ABHD17C: variants seen among roughly 807,000 people sequenced by gnomAD.
The protein encoded by ABHD17C is abhydrolase domain containing 17C, depalmitoylase.
A neutral mutation model predicts 27.9 loss-of-function variants in ABHD17C; 11 were observed. The ratio of observed to expected loss-of-function variants is 0.39; its 90% CI spans 0.25 to 0.65. ABHD17C has a LOEUF of 0.65. ABHD17C is among the 30% of genes least tolerant of loss of function. The pLI, the probability that ABHD17C is intolerant of heterozygous loss-of-function variation, is 0.45. For missense variants in ABHD17C, 280 were observed against 470.2 expected, an observed-to-expected ratio of 0.60 and a Z score of 3.74; for synonymous variants, 233 against 209.1, an observed-to-expected ratio of 1.11 and a Z score of -0.98.
chr15:80,719,654 C>G (rs1183280443), intron 1 of ABHD17C, among the ~76,000 whole-genome samples: 1 of 152,224 alleles, frequency 6.6e-6, no homozygotes, highest in Admixed American at 6.5e-5. Context: ...CCAGCCCATT[C>G]AAAGATCATG....
At chr15:80,718,811 G>A (rs974679916) in intron 1 of ABHD17C, among the ~76,000 whole-genome samples, 6 of 152,190 alleles carry the variant, frequency 3.9e-5, no homozygotes, top group African/African-American at 1.4e-4. Flanking sequence ...TGCTACAGCT[G>A]AAGAGACACG....
At chr15:80,746,550 G>T (rs1291891630) in intron 1 of ABHD17C, among the ~76,000 whole-genome samples, 1 of 152,154 alleles carries the variant, frequency 6.6e-6, no homozygotes, top group African/African-American at 2.4e-5. Context: ...TCAAAGGTGG[G>T]CTTTGTAGAC....
intron 1 of ABHD17C, among the ~76,000 whole-genome samples, chr15:80,730,052 T>C (rs190151377): frequency 6.4e-4 from 97 of 151,714 alleles, no homozygotes; most frequent in African/African-American, 2.3e-3. Context: ...CCAGTTGCAG[T>C]GAGCTGAGAT....
chr15:80,733,344 A>G (rs918235868), intron 1 of ABHD17C, among the ~76,000 whole-genome samples: 4 of 152,108 alleles, frequency 2.6e-5, no homozygotes, highest in Admixed American at 1.3e-4. Context: ...ACTTGCTCTC[A>G]GCTTTGCTTT....
In ABHD17C at chr15:80,749,663, G is replaced by A; in HGVS notation, c.741G>A (p.Arg247=). 1.2e-6 allele frequency: 2 copies of A among 1,613,958 alleles called. No homozygotes were observed. The highest frequency in any genetic ancestry group is 1.7e-6 in the Non-Finnish European group (2 of 1,179,860). ...SGLRVAFPDT[R]KTYCFDAFPS... The stretch of plus-strand genomic sequence containing the variant: ...TGCGTGTGGCTTTTCCGGATACCAG[G>A]AAAACATACTGCTTTGATGCTTTCC... The change falls in exon 2 of 3, where the codon AGG becomes AGA. Residue 247 remains arginine, a synonymous_variant. Transcript: ENST00000258884.
chr15:80,738,252 G>GT (rs1234018166), intron 1 of ABHD17C, among the ~76,000 whole-genome samples: 5 of 152,272 alleles, frequency 3.3e-5, no homozygotes, highest in Non-Finnish European at 5.9e-5. Flanking sequence ...GTCAAGAACC[G>GT]TAACACCTGC....
chr15:80,703,215 T>C (rs1210821320), intron 1 of ABHD17C: 1 of 152,230 alleles, frequency 6.6e-6, no homozygotes, highest in African/African-American at 2.4e-5. Context: ...GACTCCCTCT[T>C]TGATAAAGAA....
intron 1 of ABHD17C, among the ~76,000 whole-genome samples, chr15:80,726,790 G>A (rs1304564597): frequency 6.6e-6 from 1 of 152,160 alleles, no homozygotes; most frequent in Non-Finnish European, 1.5e-5. Flanking sequence ...CTCCCAAAGT[G>A]CTGGGATTAC....
At chr15:80,749,737 G>A in intron 2 of ABHD17C, 45 bp downstream of exon 2, 1 of 1,566,960 alleles carries the variant, frequency 6.4e-7, no homozygotes, top group Non-Finnish European at 8.8e-7. Flanking sequence ...GCCAATGACT[G>A]TGTTTATATC....
intron 1 of ABHD17C, among the ~76,000 whole-genome samples, chr15:80,698,061 CTTTTTTT>C (rs34987348): frequency 1.0e-5 from 1 of 97,034 alleles, no homozygotes; most frequent in African/African-American, 3.9e-5. Context: ...TTTTATTTCA[CTTTTTTT>C]TTTTTTTTTT....
At chr15:80,748,040 C>G (rs915882918) in intron 1 of ABHD17C, among the ~76,000 whole-genome samples, 2 of 152,194 alleles carry the variant, frequency 1.3e-5, no homozygotes, top group Non-Finnish European at 2.9e-5. Context: ...TTGCACGTCT[C>G]CCATAGAAAG....
intron 1 of ABHD17C, among the ~76,000 whole-genome samples, chr15:80,697,789 C>T (rs1225567636): frequency 1.3e-5 from 2 of 152,062 alleles, no homozygotes; most frequent in Non-Finnish European, 2.9e-5. Context: ...TAATGTTATA[C>T]CAGAACTCAT....
intron 1 of ABHD17C, among the ~76,000 whole-genome samples, chr15:80,729,990 G>A (rs1048084502): frequency 6.6e-6 from 1 of 152,026 alleles, no homozygotes; most frequent in Non-Finnish European, 1.5e-5. Flanking sequence ...TTGGTGGTGC[G>A]TGCCTATAAT....
At chr15:80,728,162 A>G (rs935253706) in intron 1 of ABHD17C, among the ~76,000 whole-genome samples, 1 of 152,210 alleles carries the variant, frequency 6.6e-6, no homozygotes, top group African/African-American at 2.4e-5. Flanking sequence ...GTAGAGTGCC[A>G]TCATCACTTT....
At chr15:80,742,998 T>A (rs370390190) in intron 1 of ABHD17C, among the ~76,000 whole-genome samples, 1 of 1,850 alleles carries the variant, frequency 5.4e-4, no homozygotes. Flanking sequence ...GTTGAGTGGG[T>A]GGGAGGGTGG....
intron 1 of ABHD17C, among the ~76,000 whole-genome samples, 155 bp from the exon 2 acceptor site, chr15:80,749,358 C>T (rs1895336576): frequency 6.6e-6 from 1 of 152,194 alleles, no homozygotes; most frequent in South Asian, 2.1e-4. Flanking sequence ...TTTTGTCAAG[C>T]TCACATTCAT....
intron 1 of ABHD17C, among the ~76,000 whole-genome samples, chr15:80,722,891 A>G (rs1237420373): frequency 6.6e-6 from 1 of 152,206 alleles, no homozygotes; most frequent in African/African-American, 2.4e-5. Flanking sequence ...AATTGGCAGG[A>G]TTTCCATCTT....
chr15:80,741,962 G>A (rs1329655874), intron 1 of ABHD17C, among the ~76,000 whole-genome samples: 2 of 152,006 alleles, frequency 1.3e-5, no homozygotes, highest in African/African-American at 2.4e-5. Context: ...ACAAAGGGAG[G>A]GTTCACATCC....
chr15:80,709,338 A>C (rs1894696541), intron 1 of ABHD17C, among the ~76,000 whole-genome samples: 1 of 151,776 alleles, frequency 6.6e-6, no homozygotes, highest in African/African-American at 2.4e-5. Context: ...AAAGTACAAA[A>C]ATTAGCCAGG....
Sources: allele counts gnomAD v4.1 joint callset (sites outside exome capture counted in the v4.1 genomes callset), GRCh38; gene constraint gnomAD v4.1.1; transcripts MANE v1.5; gene names NCBI Gene and HGNC (gene_info 2026-07-23, HGNC 2026-07-21).